The following ZNF684 variants were observed in gnomAD, a reference collection of about 807,000 sequenced individuals.
The protein encoded by ZNF684 is zinc finger protein 684, also known as hypothetical protein MGC27466.
A neutral mutation model predicts 12.8 loss-of-function variants in ZNF684; 13 were observed. The ratio of observed to expected loss-of-function variants is 1.02; its 90% CI spans 0.66 to 1.62. The LOEUF (loss-of-function observed/expected upper bound fraction) is 1.62. Ranked by LOEUF, ZNF684 falls within the 40% of genes most tolerant of loss-of-function variation. The pLI is 0.00. For synonymous variants in ZNF684, 118 were observed against 151.8 expected (o/e 0.78, Z 1.64); for missense variants, 384 against 446.9 (o/e 0.86, Z 1.27).
At chr1:40,534,606 A>C (rs1645974741) in intron 2 of ZNF684, among the ~76,000 whole-genome samples, 1 of 151,972 alleles carries the variant, frequency 6.6e-6, no homozygotes, top group African/African-American at 2.4e-5. Context: ...TCTTATATTT[A>C]TTCTTACATA....
chr1:40,546,956 AG>A lies in ZNF684; in HGVS notation c.634del (p.Glu212ArgfsTer51), dbSNP rs1646052395. 6.2e-7 allele frequency: 1 copy of A among 1,614,068 alleles called. No homozygotes were observed. The highest frequency in any genetic ancestry group is 8.5e-7 in the Non-Finnish European group (1 of 1,180,024). On this transcript the variant is annotated frameshift_variant, in exon 5 of 5. Transcript: ENST00000372699. LOFTEE classifies it low-confidence loss of function (END_TRUNC). ...CAACTCATCAGAAAATTCATAATGG[AG>A]AGAGACCCTTTGTGTGCAATGATTG... ...LATHQKIHNG[E>X]RPFVCNDCGK...
Position 40,541,226 on chromosome 1 carries a change from G to A in ZNF684, c.143-389G>A, listed in dbSNP as rs113830052. 4.1e-3 allele frequency: 616 copies of A among 151,492 alleles called. 6 individuals are homozygous for A. Among genetic ancestry groups the A allele is most frequent in the African/African-American group, 0.015 (587 of 40,068 alleles). 9.4% of individuals were successfully genotyped at this position (151,492 alleles called of 1,614,324 possible). A position where few individuals can be genotyped will look rare whatever the true frequency, so the allele number is the denominator to read the frequency against. On this transcript the variant is annotated intron_variant, in intron 3 of 4. Transcript: ENST00000372699. ...TTTTTTGGAGGGGGGAAGGAGTCTC[G>A]CTCTGTCACCCAGGCTGAAGTGCAG... is the stretch of plus-strand genomic sequence containing the variant.
intron 2 of ZNF684, among the ~76,000 whole-genome samples, chr1:40,535,714 C>A (rs1466684987): frequency 6.6e-6 from 1 of 151,856 alleles, no homozygotes; most frequent in Non-Finnish European, 1.5e-5. Context: ...TATAATATAT[C>A]TTGCCACCCT....
At chr1:40,539,613 A>G (rs919770862) in intron 2 of ZNF684, among the ~76,000 whole-genome samples, 1 of 152,186 alleles carries the variant, frequency 6.6e-6, no homozygotes, top group African/African-American at 2.4e-5. Context: ...ATCCTTGCCA[A>G]CACAGGTCAT....
rs958359842 is a variant in ZNF684, at chr1:40,531,678, C to G, written c.-134C>G. On this transcript the variant is annotated 5_prime_UTR_variant, in exon 1 of 5. The change creates a new upstream start codon in the 5' untranslated region. Transcript: ENST00000372699. ...GGTAGCCGGTATTCAATCTTCAAAT[C>G]AGCGCCGCGGGAAGTGCGGGCGGGT... 6.6e-6 allele frequency: 1 copy of G among 152,242 alleles called. No individual in the cohort carries two copies. Among genetic ancestry groups the G allele is most frequent in the Non-Finnish European group, 1.5e-5 (1 of 68,074 alleles). 9.4% of individuals were successfully genotyped at this position (152,242 alleles called of 1,614,324 possible).
intron 4 of ZNF684, among the ~76,000 whole-genome samples, chr1:40,542,453 C>G (rs1177458011): frequency 6.6e-6 from 1 of 152,078 alleles, no homozygotes; most frequent in African/African-American, 2.4e-5. Flanking sequence ...TTGAAATTCC[C>G]CTCCAGCTTT....
At chr1:40,533,117 T>C (rs775069612) in intron 1 of ZNF684, 26 bp from the exon 2 acceptor site, 2 of 1,603,088 alleles carry the variant, frequency 1.2e-6, no homozygotes, top group South Asian at 1.1e-5. Flanking sequence ...GTCTTTCTAT[T>C]CTCTTCCCCA....
At position 40,533,172 on chromosome 1, in the gene ZNF684, C is replaced by G. The variant is rs755083211; in HGVS notation, c.6C>G (p.Ile2Met). ...CTGTGTAAGAGCTGCAGAAAATGAT[C>G]AGCTTCCAGGTAAGGTATCCATCTA... M[I>M]SFQESVTFQD... The change falls in exon 2 of 5, where the codon ATC becomes ATG. Residue 2 changes from isoleucine (I) to methionine (M), a missense_variant. Coordinates refer to ENST00000372699, the MANE Select transcript of ZNF684 (RefSeq NM_152373.4). 4.7e-5 allele frequency: 76 copies of G among 1,613,464 alleles called. 1 individual carries two copies. The South Asian group carries it at 8.2e-4, about 18-fold the overall frequency.
intron 2 of ZNF684, among the ~76,000 whole-genome samples, chr1:40,534,067 G>C (rs1645971685): frequency 6.6e-6 from 1 of 151,002 alleles, no homozygotes; most frequent in Non-Finnish European, 1.5e-5. Context: ...CAAGTGATCT[G>C]CCTGCCTCAG....
chr1:40,533,291 A>G (rs565998692), intron 2 of ZNF684, 110 bp downstream of exon 2: 2 of 1,154,998 alleles, frequency 1.7e-6, no homozygotes, highest in African/African-American at 1.6e-5. Context: ...ATCAAGTCTA[A>G]AAGGAAATTT....
chr1:40,546,431 C>T (rs1646048841), intron 4 of ZNF684, 131 bp from the exon 5 acceptor site: 1 of 879,628 alleles, frequency 1.1e-6, no homozygotes. Flanking sequence ...ATTCTTAAAG[C>T]TCAGGAGGAG....
intron 4 of ZNF684, among the ~76,000 whole-genome samples, chr1:40,543,603 C>T (rs1313188333): frequency 2.0e-5 from 3 of 152,034 alleles, no homozygotes; most frequent in African/African-American, 7.2e-5. Flanking sequence ...ACTACAGGTG[C>T]CCACCACCAC....
Position 40,547,054 on chromosome 1 carries a change from A to T in ZNF684, c.731A>T (p.Glu244Val). The change falls in exon 5 of 5, where the codon GAG (glutamate) becomes GTG (valine). Residue 244 changes from glutamate to valine, a missense_variant. Glu to Val is a moderately radical substitution (Grantham distance 121). Coordinates refer to ENST00000372699, the MANE Select transcript of ZNF684 (RefSeq NM_152373.4). ...QRLHTGEKPY[E>V]CSQCGKTFTW... ...CTTCACACTGGAGAGAAGCCTTATG[A>T]GTGCAGTCAATGTGGGAAAACATTC... 1.2e-6 allele frequency: 2 copies of T among 1,614,208 alleles called. No homozygotes were observed. The highest frequency in any genetic ancestry group is 1.7e-6 in the Non-Finnish European group (2 of 1,180,042).
chr1:40,533,537 T>A (rs1645968330), intron 2 of ZNF684, among the ~76,000 whole-genome samples: 1 of 152,210 alleles, frequency 6.6e-6, no homozygotes, highest in African/African-American at 2.4e-5. Flanking sequence ...ATAGATAACA[T>A]TAGAAATAAC....
At chr1:40,539,540 G>A (rs1407715116) in intron 2 of ZNF684, among the ~76,000 whole-genome samples, 2 of 152,012 alleles carry the variant, frequency 1.3e-5, no homozygotes, top group Non-Finnish European at 2.9e-5. Flanking sequence ...CGTCGTTGCT[G>A]CACCATTTTG....
chr1:40,541,053 C>T lies in ZNF684; in HGVS notation c.142+341C>T, dbSNP rs190295437. Among the ~76,000 whole-genome samples the T allele has an allele frequency of 3.6e-3, 511 of 141,302 alleles. 5 individuals carry two copies. Among genetic ancestry groups the T allele is most frequent in the African/African-American group, 0.013 (479 of 37,294 alleles). 92.7% of individuals were successfully genotyped at this position (141,302 alleles called of 152,430 possible). On this transcript the variant is annotated intron_variant, in intron 3 of 4. Transcript: ENST00000372699. ...CTCAAAAAAAAAAAAAAAAAAAAAT[C>T]GTATGAAAACTGTGAGCATTCTGAA...
intron 3 of ZNF684, among the ~76,000 whole-genome samples, chr1:40,540,913 T>C (rs1411272351): frequency 1.3e-5 from 2 of 151,390 alleles, no homozygotes; most frequent in Non-Finnish European, 2.9e-5. Flanking sequence ...AAAATTTAGC[T>C]AGGTGTGGTG....
chr1:40,539,476 C>T (rs1646002788), intron 2 of ZNF684, among the ~76,000 whole-genome samples: 1 of 152,052 alleles, frequency 6.6e-6, no homozygotes, highest in Admixed American at 6.6e-5. Context: ...CCATTCCAGC[C>T]TGGGTGACAC....
Position 40,546,756 on chromosome 1 carries a change from GACTT to G in ZNF684, c.439_442del (p.Leu147AsnfsTer8), listed in dbSNP as rs764275283. On this transcript the variant is annotated frameshift_variant, in exon 5 of 5. Transcript: ENST00000372699. LOFTEE classifies it low-confidence loss of function (END_TRUNC). ...TGAGAAGTGTTTGCCACCTAATTTA[GACTT>G]ACTTAAATATAATAGAAGTTATACT... is the stretch of plus-strand genomic sequence containing the variant. 5.6e-6 allele frequency: 9 copies of G among 1,613,366 alleles called. No individual in the cohort carries two copies. The East Asian group carries it at 2.0e-4, about 36-fold the overall frequency.
Sources: allele counts gnomAD v4.1 joint callset (sites outside exome capture counted in the v4.1 genomes callset), GRCh38; gene constraint gnomAD v4.1.1; transcripts MANE v1.5; gene names NCBI Gene and HGNC (gene_info 2026-07-23, HGNC 2026-07-21).